Variants in STPG2 observed in about 807,000 individuals in gnomAD.
The protein encoded by STPG2 is sperm tail PG-rich repeat containing 2.
Under a neutral mutation model 54.2 loss-of-function variants are expected in STPG2, and 56 were observed. The ratio of observed to expected loss-of-function variants is 1.03; its 90% confidence interval spans 0.83 to 1.29. The LOEUF (loss-of-function observed/expected upper bound fraction) is 1.29. STPG2 is among the 50% of genes most tolerant of loss of function. STPG2 has a pLI of 0.00. For missense variants in STPG2, 596 were observed against 544.9 expected (o/e 1.09, Z -0.93); for synonymous variants, 200 against 181.8 (o/e 1.10, Z -0.81).
intron 10 of STPG2, among the ~76,000 whole-genome samples, chr4:97,672,508 A>C (rs1442355197): frequency 6.6e-6 from 1 of 152,174 alleles, no homozygotes; most frequent in African/African-American, 2.4e-5. Flanking sequence ...TATTTTCTTT[A>C]CATCAGTATT....
rs138560848 is a variant in STPG2, at chr4:97,667,571, G to A, written c.1320+45128C>T. Among the ~76,000 whole-genome samples, 163 of 152,222 alleles carry A rather than the reference G, an allele frequency of 1.1e-3. No homozygotes were observed. The East Asian group carries it at 0.029, about 27-fold the overall frequency. On this transcript the variant is annotated intron_variant, in intron 10 of 10. Transcript: ENST00000295268. ...TTACCTGCAGGTAAGGCATGTTAAC[G>A]AGAGTTGGGTAAGATGTTATCTCAC...
chr4:97,943,775 G>T, intron 8 of STPG2, 122 bp downstream of exon 8: 2 of 638,626 alleles, frequency 3.1e-6, no homozygotes, highest in Non-Finnish European at 5.2e-6. Flanking sequence ...TATCGGTCTA[G>T]CCAAGGAGGT....
intron 4 of STPG2, among the ~76,000 whole-genome samples, chr4:97,444,967 G>A (rs897340772): frequency 1.1e-4 from 16 of 152,170 alleles, no homozygotes; most frequent in Non-Finnish European, 2.4e-4. Context: ...AACCCAGGAG[G>A]CAGAGCTTGC....
intron 10 of STPG2, among the ~76,000 whole-genome samples, chr4:97,670,285 T>C (rs1389437801): frequency 1.3e-5 from 2 of 152,160 alleles, no homozygotes; most frequent in Non-Finnish European, 1.5e-5. Flanking sequence ...TAAGTGATTA[T>C]AAAATAAGCC....
chr4:98,078,795 C>T (rs1738251091), intron 5 of STPG2, among the ~76,000 whole-genome samples: 1 of 151,976 alleles, frequency 6.6e-6, no homozygotes, highest in African/African-American at 2.4e-5. Context: ...GAATGATTTC[C>T]CTTTCATATT....
chr4:97,880,753 G>T (rs1578650695), intron 8 of STPG2, among the ~76,000 whole-genome samples: 1 of 151,728 alleles, frequency 6.6e-6, no homozygotes, highest in Non-Finnish European at 1.5e-5. Context: ...CTGGTAAGAG[G>T]AGCCTTCAAG....
At chr4:97,707,510 G>C (rs1723984885) in intron 10 of STPG2, among the ~76,000 whole-genome samples, 1 of 152,078 alleles carries the variant, frequency 6.6e-6, no homozygotes, top group South Asian at 2.1e-4. Context: ...AACAGAGTGA[G>C]ACCCTGTCTC....
rs1257034623 is a variant in STPG2 at position 97,644,914 on chromosome 4, T to A, written c.1320+67785A>T. 3.9e-5 allele frequency among the ~76,000 whole-genome samples: 6 copies of A among 152,140 alleles called. No homozygotes were observed. In the South Asian group the frequency reaches 1.0e-3, roughly 26 times the overall value. On this transcript the variant is annotated intron_variant, in intron 10 of 10. Coordinates refer to ENST00000295268, the MANE Select transcript of STPG2 (RefSeq NM_174952.3). The stretch of plus-strand genomic sequence containing the variant: ...TTAAAGCTTTTGTCAGTGACAACAC[T>A]AGATTTTGGATGCTGTTATTTTTTC...
intron 8 of STPG2, among the ~76,000 whole-genome samples, chr4:97,866,240 A>T (rs946120681): frequency 6.6e-6 from 1 of 151,996 alleles, no homozygotes; most frequent in Non-Finnish European, 1.5e-5. Context: ...TAATATAACT[A>T]AAAGAGTATA....
chr4:97,906,980 C>A (rs1441739805), intron 8 of STPG2, among the ~76,000 whole-genome samples: 1 of 149,908 alleles, frequency 6.7e-6, no homozygotes, highest in African/African-American at 2.4e-5. Context: ...CCTCTCTCAC[C>A]ACTCCTATTC....
At chr4:97,956,842 C>T (rs1456792207) in intron 7 of STPG2, among the ~76,000 whole-genome samples, 1 of 152,130 alleles carries the variant, frequency 6.6e-6, no homozygotes, top group Admixed American at 6.5e-5. Context: ...TTGAGTCCTA[C>T]ACCTTTCCTC....
chr4:97,540,955 G>A (rs1205712421), intron 4 of STPG2, among the ~76,000 whole-genome samples: 4 of 151,952 alleles, frequency 2.6e-5, no homozygotes, highest in African/African-American at 7.2e-5. Flanking sequence ...AATTAGGTAT[G>A]GATGGGGCTT....
At chr4:97,902,461 C>G (rs1358526655) in intron 8 of STPG2, among the ~76,000 whole-genome samples, 1 of 152,114 alleles carries the variant, frequency 6.6e-6, no homozygotes, top group Admixed American at 6.5e-5. Context: ...CAAAAAGAAA[C>G]AAATAACTAA....
intron 9 of STPG2, among the ~76,000 whole-genome samples, chr4:97,752,154 C>T (rs1040360291): frequency 1.1e-4 from 17 of 151,786 alleles, no homozygotes; most frequent in Non-Finnish European, 2.4e-4. Context: ...TTCATAATTA[C>T]ACATAAACTT....
At chr4:97,636,514 A>C (rs2148939620) in intron 10 of STPG2, among the ~76,000 whole-genome samples, 1 of 148,282 alleles carries the variant, frequency 6.7e-6, no homozygotes, top group East Asian at 1.9e-4. Context: ...AAGGAAATAG[A>C]GACACAAAAA....
chr4:97,782,088 C>A (rs192914279), intron 9 of STPG2, among the ~76,000 whole-genome samples: 1 of 152,240 alleles, frequency 6.6e-6, no homozygotes, highest in South Asian at 2.1e-4. Context: ...CCAGGGCAAT[C>A]AGGCAGGAGA....
intron 10 of STPG2, among the ~76,000 whole-genome samples, chr4:97,617,795 T>C (rs1733912339): frequency 6.6e-6 from 1 of 152,140 alleles, no homozygotes; most frequent in Non-Finnish European, 1.5e-5. Flanking sequence ...ATAGTCCAGA[T>C]AGTGTTAAGA....
intron 8 of STPG2, among the ~76,000 whole-genome samples, chr4:97,931,452 T>C (rs182446879): frequency 6.6e-6 from 1 of 152,218 alleles, no homozygotes; most frequent in South Asian, 2.1e-4. Context: ...ATGTGGTTTT[T>C]GTCTCTAGTT....
At chr4:97,961,313 A>G (rs1355952265) in intron 7 of STPG2, among the ~76,000 whole-genome samples, 3 of 151,928 alleles carry the variant, frequency 2.0e-5, no homozygotes, top group East Asian at 3.9e-4. Context: ...ACCAAGGAGA[A>G]CCCAAAAACA....
Sources: allele counts gnomAD v4.1 joint callset (sites outside exome capture counted in the v4.1 genomes callset), GRCh38; gene constraint gnomAD v4.1.1; transcripts MANE v1.5; gene names NCBI Gene and HGNC (gene_info 2026-07-23, HGNC 2026-07-21).